CDADC1: variants seen among roughly 807,000 people sequenced by gnomAD.
CDADC1 encodes the protein cytidine and dCMP deaminase domain containing 1.
CDADC1 carries 39 observed loss-of-function variants against 54.9 expected under a neutral mutation model. The ratio of observed to expected loss-of-function variants is 0.71; its 90% CI spans 0.55 to 0.93. The LOEUF (loss-of-function observed/expected upper bound fraction) is 0.93, where lower values mean the gene tolerates loss of function less well. Ranked by LOEUF, CDADC1 falls within the 40% of genes least tolerant of loss-of-function variation. The pLI is 0.00. For missense variants in CDADC1, 518 were observed against 618.8 expected (o/e 0.84, Z 1.73); for synonymous variants, 186 against 204.0 (o/e 0.91, Z 0.75).
At chr13:49,286,074 A>G (rs1953505832) in intron 8 of CDADC1, 148 bp from the exon 9 acceptor site, 2 of 581,968 alleles carry the variant, frequency 3.4e-6, no homozygotes, top group African/African-American at 3.7e-5. Context: ...TTGGCCTCCC[A>G]AAGTGCTGGG....
At chr13:49,254,792 A>G (rs1006179466) in intron 2 of CDADC1, among the ~76,000 whole-genome samples, 5 of 152,214 alleles carry the variant, frequency 3.3e-5, no homozygotes, top group Admixed American at 6.5e-5. Flanking sequence ...TTCATAAATC[A>G]TAAGCCCTGT....
intron 4 of CDADC1, among the ~76,000 whole-genome samples, chr13:49,261,959 T>A (rs1374564634): frequency 6.6e-6 from 1 of 152,192 alleles, no homozygotes; most frequent in Non-Finnish European, 1.5e-5. Flanking sequence ...CTATGTTAGA[T>A]TAGGCTTATG....
At chr13:49,249,996 T>G in intron 2 of CDADC1, among the ~76,000 whole-genome samples, 1 of 152,118 alleles carries the variant, frequency 6.6e-6, no homozygotes, top group East Asian at 1.9e-4. Flanking sequence ...GTTGAGCATT[T>G]AAGACTTTTT....
At chr13:49,255,379 C>CA (rs1389211066) in intron 2 of CDADC1, among the ~76,000 whole-genome samples, 3 of 152,158 alleles carry the variant, frequency 2.0e-5, no homozygotes, top group Non-Finnish European at 2.9e-5. Flanking sequence ...AAAACATAGT[C>CA]ACAGGCTCCA....
In CDADC1 at chr13:49,248,050, G is replaced by T; in HGVS notation, c.13G>T (p.Gly5Trp). ...CGCTAGGTTTGGGATGAAAGAAGCT[G>T]GGCAGATGCAAAATCTGGAGAGCGC... is the stretch of plus-strand genomic sequence containing the variant. MKEAGQMQNLESARA... is the reference protein window; with the variant it reads MKEAWQMQNLESARA... The change falls in exon 1 of 10, where the codon GGG becomes TGG. Residue 5 changes from glycine (G) to tryptophan (W), a missense_variant. Gly to Trp is a radical substitution (Grantham distance 184). Transcript: ENST00000251108. The T allele has an allele frequency of 1.9e-6, 3 of 1,553,386 alleles. No homozygotes were observed. Among genetic ancestry groups the T allele is most frequent in the Non-Finnish European group, 2.6e-6 (3 of 1,148,038 alleles).
chr13:49,248,609 T>C, intron 1 of CDADC1: 1 of 424,554 alleles, frequency 2.4e-6, no homozygotes, highest in Non-Finnish European at 4.3e-6. Context: ...CCCTCAGCTA[T>C]GTGTATTAGC....
chr13:49,284,541 C>T (rs1294673977), intron 8 of CDADC1, among the ~76,000 whole-genome samples: 1 of 152,052 alleles, frequency 6.6e-6, no homozygotes, highest in Non-Finnish European at 1.5e-5. Context: ...TTTGTCTGCC[C>T]AAATTAATAG....
rs1173059951 is a variant in CDADC1 at position 49,274,248 on chromosome 13, C to T, written c.1001-43C>T. ...TGGAAAAATATATTTCTAAAACTAA[C>T]ATATCATAATTTTTACTGAGTTAAA... On this transcript the variant is annotated intron_variant, in intron 5 of 9. Coordinates refer to ENST00000251108, the MANE Select transcript of CDADC1 (RefSeq NM_030911.4). 5 of 1,425,392 alleles carry T rather than the reference C, an allele frequency of 3.5e-6. No homozygotes were observed. In the African/African-American group the frequency reaches 7.2e-5, roughly 20 times the overall value. 88.3% of individuals were successfully genotyped at this position (1,425,392 alleles called of 1,614,324 possible). A position where few individuals can be genotyped will look rare whatever the true frequency, so the allele number is the denominator to read the frequency against.
chr13:49,255,883 G>C lies in CDADC1; in HGVS notation c.222G>C (p.Glu74Asp), dbSNP rs1450027518. ...ATGGACCCTTAGGAGATAATGAAGAGAGGACCAGAGTATCTACTGACAAAA... is the reference window on the plus strand; with the variant it reads ...ATGGACCCTTAGGAGATAATGAAGACAGGACCAGAGTATCTACTGACAAAA... Reference protein sequence around the residue: ...GKHGPLGDNEERTRVSTDKRQ... With the variant: ...GKHGPLGDNEDRTRVSTDKRQ... Residue 74 changes from glutamate (E) to aspartate (D), a missense_variant, in exon 3 of 10, where the codon GAG (glutamate) becomes GAC (aspartate). Physicochemically the swap from Glu to Asp is conservative, Grantham distance 45. Transcript: ENST00000251108. The C allele has an allele frequency of 6.2e-7, 1 of 1,611,860 alleles. No individual in the cohort carries two copies.
chr13:49,250,499 C>G (rs1952402370), intron 2 of CDADC1, among the ~76,000 whole-genome samples: 1 of 152,108 alleles, frequency 6.6e-6, no homozygotes, highest in Non-Finnish European at 1.5e-5. Flanking sequence ...CGTATTTGCA[C>G]TGAGACATGA....
In CDADC1 at chr13:49,289,685, A is replaced by G. The variant is rs76249568; in HGVS notation, c.1472-1999A>G. On this transcript the variant is annotated intron_variant, in intron 9 of 9. Coordinates refer to ENST00000251108, the MANE Select transcript of CDADC1 (RefSeq NM_030911.4). ...CTTAGAAATATAAATGTTGAATTTA[A>G]CAAAGCAAACTACAGAATTATGATA... is the stretch of plus-strand genomic sequence containing the variant. Among the ~76,000 whole-genome samples, 664 of 152,350 alleles carry G rather than the reference A, an allele frequency of 4.4e-3. 3 individuals are homozygous for G. Among genetic ancestry groups the G allele is most frequent in the African/African-American group, 0.015 (635 of 41,572 alleles).
chr13:49,252,177 A>G (rs1952449869), intron 2 of CDADC1, among the ~76,000 whole-genome samples: 1 of 152,176 alleles, frequency 6.6e-6, no homozygotes, highest in South Asian at 2.1e-4. Context: ...CCCAGCTCCT[A>G]TTCACTGCAT....
chr13:49,270,472 C>T (rs1256514974), intron 5 of CDADC1, among the ~76,000 whole-genome samples: 1 of 152,184 alleles, frequency 6.6e-6, no homozygotes, highest in Non-Finnish European at 1.5e-5. Context: ...CCTGCCTCAG[C>T]CTCCCAAAGT....
Position 49,248,910 on chromosome 13 carries a change from T to C in CDADC1, c.122T>C (p.Leu41Pro), listed in dbSNP as rs763825508. 6.2e-7 allele frequency: 1 copy of C among 1,613,184 alleles called. No homozygotes were observed. Among genetic ancestry groups the C allele is most frequent in the South Asian group, 1.1e-5 (1 of 91,068 alleles). Reference sequence around the variant, plus strand: ...CTTTCTAAAGTCAACCTTTTCACTCTGCTCAGCCTCTGGATGGAGCTCTTT... The same window carrying C: ...CTTTCTAAAGTCAACCTTTTCACTCCGCTCAGCCTCTGGATGGAGCTCTTT... ...PRLSKVNLFT[L>P]LSLWMELFPA... is the part of the protein sequence containing the mutation. Residue 41 changes from leucine (L) to proline (P), a missense_variant, in exon 2 of 10, where the codon CTG (leucine) becomes CCG (proline). By Grantham distance (98) the Leu-to-Pro change is moderately conservative. Transcript: ENST00000251108.
intron 8 of CDADC1, among the ~76,000 whole-genome samples, chr13:49,285,313 G>A (rs1953478872): frequency 6.6e-6 from 1 of 151,634 alleles, no homozygotes; most frequent in South Asian, 2.1e-4. Context: ...CGAGTAGCTG[G>A]GACTACAGGC....
intron 6 of CDADC1, among the ~76,000 whole-genome samples, chr13:49,275,585 T>C (rs1402104115): frequency 1.3e-5 from 2 of 150,390 alleles, no homozygotes; most frequent in Admixed American, 6.6e-5. Flanking sequence ...CTATATTCCA[T>C]GTAAAGATTT....
At chr13:49,265,922 T>C (rs1952804078) in intron 4 of CDADC1, 34 of 1,302,934 alleles carry the variant, frequency 2.6e-5, no homozygotes, top group Non-Finnish European at 3.1e-5. Context: ...AGGTTTACCA[T>C]CACTGCTGGT....
chr13:49,289,120 C>CTTT lies in CDADC1; in HGVS notation c.1472-2540_1472-2538dup, dbSNP rs66814830. ...TTGCACGGAAGTAGCTTTTTTTTTG[C>CTTT]TTTTTTTTTTTTTTTTTTTTTTTTT... is the stretch of plus-strand genomic sequence containing the variant. On this transcript the variant is annotated intron_variant, in intron 9 of 9. Transcript: ENST00000251108. Among the ~76,000 whole-genome samples, 131 of 60,986 alleles carry CTTT rather than the reference C, an allele frequency of 2.1e-3. 17 individuals are homozygous for CTTT. The highest frequency in any genetic ancestry group is 5.9e-3 in the African/African-American group (91 of 15,396). The allele number at this position is 60,986 out of a possible 152,430, so 40.0% of individuals were successfully genotyped here.
intron 8 of CDADC1, among the ~76,000 whole-genome samples, chr13:49,282,236 G>GGTTTTTTTTTTTT (rs1555315245): frequency 1.1e-4 from 10 of 94,144 alleles, no homozygotes; most frequent in South Asian, 3.8e-4. Flanking sequence ...GTTTTTGTGG[G>GGTTTTTTTTTTTT]TTTTTTTTTT....
Sources: allele counts gnomAD v4.1 joint callset (sites outside exome capture counted in the v4.1 genomes callset), GRCh38; gene constraint gnomAD v4.1.1; transcripts MANE v1.5; gene names NCBI Gene and HGNC (gene_info 2026-07-23, HGNC 2026-07-21).